RPL12: variants seen among roughly 807,000 people sequenced by gnomAD.
RPL12 encodes large ribosomal subunit protein uL11.
In RPL12, 10 loss-of-function variants were observed where a neutral mutation model predicts 24.5. The observed-to-expected ratio is 0.41, with a 90% CI of 0.25 to 0.69. The LOEUF (loss-of-function observed/expected upper bound fraction) is 0.69, where lower values mean the gene tolerates loss of function less well. RPL12 is among the 30% of genes least tolerant of loss of function. The pLI is 0.33. For missense variants in RPL12, 137 were observed against 205.3 expected (o/e 0.67, Z 2.03); for synonymous variants, 74 against 76.1 (o/e 0.97, Z 0.14).
rs1177431718 is a variant in RPL12, at chr9:127,449,950, G to A, written c.112-242C>T. On this transcript the variant is annotated intron_variant, in intron 2 of 6. Transcript: ENST00000361436. Reference sequence around the variant, plus strand: ...CCCTCCTAAGTGCCCATGTGCTTAAGGAGGGGGATTTTCAGCCCTGCTGAC... The same window carrying A: ...CCCTCCTAAGTGCCCATGTGCTTAAAGAGGGGGATTTTCAGCCCTGCTGAC... 4 of 492,064 alleles carry A rather than the reference G, an allele frequency of 8.1e-6. No homozygotes were observed. The South Asian group carries it at 9.4e-5, about 12-fold the overall frequency. 30.5% of individuals were successfully genotyped at this position (492,064 alleles called of 1,614,324 possible). A position where few individuals can be genotyped will look rare whatever the true frequency, so the allele number is the denominator to read the frequency against.
At chr9:127,449,995 C>T (rs1186872114) in intron 2 of RPL12, 2 of 341,324 alleles carry the variant, frequency 5.9e-6, no homozygotes, top group Admixed American at 4.2e-5. Context: ...ACCTAAGGAG[C>T]TTTCAAAATA....
At chr9:127,448,628 G>T in intron 4 of RPL12, 1 of 749,978 alleles carries the variant, frequency 1.3e-6, no homozygotes, top group Non-Finnish European at 2.4e-6. Flanking sequence ...GTGCAGTGGC[G>T]GGTGGCTGAG....
chr9:127,447,703 A>G lies in RPL12; in HGVS notation c.*18T>C, dbSNP rs760099616. On this transcript the variant is annotated 3_prime_UTR_variant, in exon 7 of 7. Coordinates refer to ENST00000361436, the MANE Select transcript of RPL12 (RefSeq NM_000976.4). ...CCAGTTGTCAAATGATCCTTTATTGAAATGTTTTCCTTTGTGCTTAACTCT... is the reference window on the plus strand; with the variant it reads ...CCAGTTGTCAAATGATCCTTTATTGGAATGTTTTCCTTTGTGCTTAACTCT... The G allele has an allele frequency of 6.2e-7, 1 of 1,613,478 alleles. No individual in the cohort carries two copies. The highest frequency in any genetic ancestry group is 1.1e-5 in the South Asian group (1 of 90,876).
In RPL12 at chr9:127,450,674, C is replaced by T. The variant is rs1029410814; in HGVS notation, c.111+57G>A. 2.8e-5 allele frequency: 38 copies of T among 1,349,412 alleles called. No homozygotes were observed. The African/African-American group carries it at 5.3e-4, about 19-fold the overall frequency. The allele number at this position is 1,349,412 out of a possible 1,614,324, so 83.6% of individuals were successfully genotyped here. Reference sequence around the variant, plus strand: ...TCTGGCACAGGCGTGACTCCACGAGCCGGCGCTTAAAGTGAAACAAATGTG... The same window carrying T: ...TCTGGCACAGGCGTGACTCCACGAGTCGGCGCTTAAAGTGAAACAAATGTG... On this transcript the variant is annotated intron_variant, in intron 2 of 6. Transcript: ENST00000361436.
intron 5 of RPL12, 81 bp downstream of exon 5, chr9:127,448,256 A>G (rs1834206558): frequency 1.7e-6 from 2 of 1,203,352 alleles, no homozygotes; most frequent in Admixed American, 3.4e-5. Flanking sequence ...CTCACTGAGC[A>G]CCCTTCAAGT....
At chr9:127,451,173 C>T in intron 1 of RPL12, 108 bp downstream of exon 1, 2 of 1,456,274 alleles carry the variant, frequency 1.4e-6, no homozygotes, top group Non-Finnish European at 9.4e-7. Context: ...CCGGGAAGGT[C>T]TCTGGGAGGC....
Position 127,447,995 on chromosome 9 carries a change from A to G in RPL12, c.380-6T>C. ...CAGGATCTCTTTAATGGTTCCTTTAAGTAAAGAAATGGTGGCATTGGAGGT... is the reference window on the plus strand; with the variant it reads ...CAGGATCTCTTTAATGGTTCCTTTAGGTAAAGAAATGGTGGCATTGGAGGT... On this transcript the variant is annotated splice_region_variant and splice_polypyrimidine_tract_variant and intron_variant, in intron 5 of 6. Coordinates refer to ENST00000361436, the MANE Select transcript of RPL12 (RefSeq NM_000976.4). The G allele has an allele frequency of 3.8e-6, 6 of 1,595,318 alleles. No individual in the cohort carries two copies. Among genetic ancestry groups the G allele is most frequent in the Non-Finnish European group, 5.1e-6 (6 of 1,174,098 alleles).
At position 127,448,404 on chromosome 9, in the gene RPL12, G is replaced by A. The variant is rs1834209609; in HGVS notation, c.312C>T (p.Ile104=). The change falls in exon 5 of 7, where the codon ATC becomes ATT. Residue 104 remains isoleucine (I), a synonymous_variant. Transcript: ENST00000361436. ...CAATGTTGACAATCTCATCAAAAGT[G>A]ATATTCCCACTGTGTTTAACTGCAG... is the stretch of plus-strand genomic sequence containing the variant. ...KQKNIKHSGN[I]TFDEIVNIAR... is the part of the protein sequence containing the mutation. 1 of 1,613,176 alleles carries A rather than the reference G, an allele frequency of 6.2e-7. No homozygotes were observed.
Position 127,451,400 on chromosome 9 carries a change from C to G in RPL12, c.-83G>C, listed in dbSNP as rs2084023883. 2.4e-5 allele frequency: 37 copies of G among 1,570,686 alleles called. No homozygotes were observed. The highest frequency in any genetic ancestry group is 2.3e-4 in the Middle Eastern group (1 of 4,344). ...CCTTGGCCTCCTCCGAGCCGAAAGC[C>G]GAGAGGCCGGAAATCGCGCGGACAA... On this transcript the variant is annotated 5_prime_UTR_variant, in exon 1 of 7. Transcript: ENST00000361436.
chr9:127,450,061 T>C (rs1834251639), intron 2 of RPL12: 1 of 234,948 alleles, frequency 4.3e-6, no homozygotes. Flanking sequence ...GGTCTGATTA[T>C]TTGCTACTCT....
Position 127,451,385 on chromosome 9 carries a change from C to T in RPL12, c.-68G>A, listed in dbSNP as rs540890876. ...CCGAAGGAAGTTGCACCTTGGCCTC[C>T]TCCGAGCCGAAAGCCGAGAGGCCGG... On this transcript the variant is annotated 5_prime_UTR_variant, in exon 1 of 7. Coordinates refer to ENST00000361436, the MANE Select transcript of RPL12 (RefSeq NM_000976.4). 27 of 1,593,114 alleles carry T rather than the reference C, an allele frequency of 1.7e-5. No individual in the cohort carries two copies. The highest frequency in any genetic ancestry group is 2.2e-5 in the East Asian group (1 of 44,456).
chr9:127,448,132 T>A (rs1834204740), intron 5 of RPL12, 143 bp from the exon 6 acceptor site: 3 of 1,156,362 alleles, frequency 2.6e-6, no homozygotes, highest in Non-Finnish European at 3.7e-6. Flanking sequence ...TAGAGTTCCA[T>A]CTAGTTCCAT....
chr9:127,451,003 C>G, intron 1 of RPL12, 199 bp from the exon 2 acceptor site: 1 of 641,640 alleles, frequency 1.6e-6, no homozygotes, highest in Non-Finnish European at 2.7e-6. Flanking sequence ...GCCCCGTCGC[C>G]CGCTAACCCA....
intron 2 of RPL12, 92 bp downstream of exon 2, chr9:127,450,639 C>G (rs1409186967): frequency 1.1e-6 from 1 of 940,206 alleles, no homozygotes. Flanking sequence ...GTCCAAGCCA[C>G]GAGGGCACCT....
rs763844521 is a variant in RPL12, at chr9:127,449,281, T to C, written c.292A>G (p.Ile98Val). 6 of 1,612,262 alleles carry C rather than the reference T, an allele frequency of 3.7e-6. No individual in the cohort carries two copies. Among genetic ancestry groups the C allele is most frequent in the South Asian group, 1.1e-5 (1 of 90,962 alleles). ...CCAAACTAGGGAAAAGACAACTTAC[T>C]GTTTTTCTGTTTCTTTCTGTCTCTT... ...PPRDRKKQKN[I>V]KHSGNITFDE... Residue 98 changes from isoleucine (I) to valine (V), a missense_variant and splice_region_variant, in exon 4 of 7, where the codon ATT becomes GTT. Transcript: ENST00000361436.
intron 5 of RPL12, 104 bp downstream of exon 5, chr9:127,448,232 AC>A: frequency 9.4e-7 from 1 of 1,060,646 alleles, no homozygotes; most frequent in South Asian, 1.3e-5. Flanking sequence ...AGAAAACTGC[AC>A]CCCATCTTGG....
Position 127,449,596 on chromosome 9 carries a change from G to T in RPL12, c.210+14C>A. On this transcript the variant is annotated intron_variant, in intron 3 of 6. Transcript: ENST00000361436. ...CCCCACCCTCCTCTCCCGAAACCAA[G>T]CACAAGCAAATACCTGGGCCTGTCT... 1 of 1,609,228 alleles carries T rather than the reference G, an allele frequency of 6.2e-7. No homozygotes were observed. The highest frequency in any genetic ancestry group is 8.5e-7 in the Non-Finnish European group (1 of 1,175,596).
rs975480038 is a variant in RPL12, at chr9:127,451,370, T to C, written c.-53A>G. Reference sequence around the variant, plus strand: ...CCGGATTCGGGACGACCGAAGGAAGTTGCACCTTGGCCTCCTCCGAGCCGA... The same window carrying C: ...CCGGATTCGGGACGACCGAAGGAAGCTGCACCTTGGCCTCCTCCGAGCCGA... On this transcript the variant is annotated 5_prime_UTR_variant, in exon 1 of 7. Transcript: ENST00000361436. 2.2e-5 allele frequency: 36 copies of C among 1,608,694 alleles called. No homozygotes were observed. The African/African-American group carries it at 2.4e-4, about 11-fold the overall frequency.
chr9:127,449,980 G>A, intron 2 of RPL12: 1 of 422,694 alleles, frequency 2.4e-6, no homozygotes, highest in South Asian at 2.6e-5. Context: ...GCTGACATTA[G>A]AATCACCTAA....
Sources: gnomAD v4.1 joint callset for allele counts on GRCh38, gnomAD v4.1.1 for gene constraint, MANE v1.5 for transcripts, NCBI Gene and HGNC (gene_info 2026-07-23, HGNC 2026-07-21) for gene names.